Variants in CDC42BPA observed in about 807,000 individuals in gnomAD.
The protein encoded by CDC42BPA is CDC42 binding protein kinase alpha, also known as serine/threonine-protein kinase MRCK alpha.
Under a neutral mutation model 223.5 loss-of-function variants are expected in CDC42BPA, and 80 were observed. That is an observed-to-expected ratio of 0.36 (90% CI 0.30 to 0.43). The LOEUF is 0.43. CDC42BPA is among the 20% of genes least tolerant of loss of function. CDC42BPA has a pLI of 1.00. For synonymous variants in CDC42BPA, 694 were observed against 718.6 expected (o/e 0.97, Z 0.55); for missense variants, 1,743 against 2,099.9 (o/e 0.83, Z 3.32).
chr1:227,268,744 G>C (rs1685490683), intron 1 of CDC42BPA, among the ~76,000 whole-genome samples: 1 of 150,166 alleles, frequency 6.7e-6, no homozygotes, highest in Non-Finnish European at 1.5e-5. Flanking sequence ...GGAGTGTACT[G>C]GCGTGATCCC....
rs536207625 is a variant in CDC42BPA at position 227,144,919 on chromosome 1, G to A, written c.1143+570C>T. Among the ~76,000 whole-genome samples, 23 of 152,238 alleles carry A rather than the reference G, an allele frequency of 1.5e-4. No individual in the cohort carries two copies. The South Asian group carries it at 4.8e-3, about 32-fold the overall frequency. ...CACTGGGCTTGGGTATTTAGTCCTG[G>A]AATCTGCCCTCTGTATCAGCAAAGC... is the stretch of plus-strand genomic sequence containing the variant. On this transcript the variant is annotated intron_variant, in intron 8 of 36. Coordinates refer to ENST00000366766, the MANE Select transcript of CDC42BPA (RefSeq NM_001394014.1).
chr1:227,029,015 C>A lies in CDC42BPA; in HGVS notation c.4074G>T (p.Arg1358Ser), dbSNP rs1454023870. Residue 1358 changes from arginine to serine, a missense_variant, in exon 30 of 37, where the codon AGG becomes AGT. Physicochemically the swap from Arg to Ser is moderately radical, Grantham distance 110. Coordinates refer to ENST00000366766, the MANE Select transcript of CDC42BPA (RefSeq NM_001394014.1). ...ALTCLCVAMK[R>S]QVLCYELFQS... ...GAAATAGTTCATAACAGAGGACCTG[C>A]CTTTTCATAGCCACACACAGGCATG... is the stretch of plus-strand genomic sequence containing the variant. 1 of 1,614,096 alleles carries A rather than the reference C, an allele frequency of 6.2e-7. No individual in the cohort carries two copies. The highest frequency in any genetic ancestry group is 1.1e-5 in the South Asian group (1 of 91,082).
At chr1:227,080,801 TA>T in intron 17 of CDC42BPA, 91 bp downstream of exon 17, 1 of 1,399,120 alleles carries the variant, frequency 7.1e-7, no homozygotes, top group Non-Finnish European at 1.0e-6. Context: ...ACAAATGAGA[TA>T]AAAACCATTA....
At position 227,245,920 on chromosome 1, in the gene CDC42BPA, T is replaced by C. The variant is rs578047445; in HGVS notation, c.270+8144A>G. Among the ~76,000 whole-genome samples, 14 of 152,270 alleles carry C rather than the reference T, an allele frequency of 9.2e-5. No individual in the cohort carries two copies. The South Asian group carries it at 2.9e-3, about 32-fold the overall frequency. ...GGTGGCCACTGTGAAAGACTCCTTC[T>C]GTCTGAGAAAAGCAGAGGGAAAAGT... On this transcript the variant is annotated intron_variant, in intron 2 of 36. Transcript: ENST00000366766.
At chr1:227,004,859 G>A (rs960691726) in intron 35 of CDC42BPA, 135 bp downstream of exon 35, 8 of 780,496 alleles carry the variant, frequency 1.0e-5, no homozygotes, top group African/African-American at 1.0e-4. Context: ...TACCCAGCAG[G>A]GTCTGAGACA....
chr1:227,089,373 T>G (rs970787483), intron 16 of CDC42BPA, among the ~76,000 whole-genome samples: 1 of 152,134 alleles, frequency 6.6e-6, no homozygotes, highest in Non-Finnish European at 1.5e-5. Context: ...TTATCACTAC[T>G]GAGACAGACA....
intron 5 of CDC42BPA, among the ~76,000 whole-genome samples, chr1:227,179,635 C>T (rs1378409976): frequency 2.9e-5 from 1 of 34,238 alleles, no homozygotes; most frequent in African/African-American, 1.1e-4. Context: ...GCCTCCATCT[C>T]AAAAAAAAAA....
At chr1:227,262,670 TC>T (rs1182184373) in intron 1 of CDC42BPA, among the ~76,000 whole-genome samples, 1 of 152,152 alleles carries the variant, frequency 6.6e-6, no homozygotes, top group Non-Finnish European at 1.5e-5. Context: ...GCCTTTTAAG[TC>T]ATAAGATACC....
At chr1:227,209,949 T>C (rs1370127579) in intron 3 of CDC42BPA, among the ~76,000 whole-genome samples, 2 of 150,216 alleles carry the variant, frequency 1.3e-5, no homozygotes, top group Admixed American at 6.7e-5. Flanking sequence ...TTCCTCCTTG[T>C]ACCTCTGGTA....
intron 23 of CDC42BPA, among the ~76,000 whole-genome samples, chr1:227,041,683 T>C (rs1034539242): frequency 3.9e-5 from 6 of 152,144 alleles, no homozygotes; most frequent in African/African-American, 1.4e-4. Context: ...GAGAATGGGG[T>C]GAGAGTCTCA....
At chr1:227,030,085 T>A (rs2150870) in intron 29 of CDC42BPA, among the ~76,000 whole-genome samples, 68,020 of 150,956 alleles carry the variant, frequency 0.45, 15,438 homozygotes, top group African/African-American at 0.46. Context: ...ATGAGCCGAG[T>A]TCGTGCCACT....
chr1:227,163,021 TTTCC>T (rs1664305609), intron 5 of CDC42BPA, among the ~76,000 whole-genome samples: 6 of 30,322 alleles, frequency 2.0e-4, no homozygotes, highest in Admixed American at 1.4e-3. Flanking sequence ...AACGTGTATG[TTTCC>T]AAACATATGT....
At chr1:227,180,761 T>C (rs1174444487) in intron 5 of CDC42BPA, among the ~76,000 whole-genome samples, 2 of 152,220 alleles carry the variant, frequency 1.3e-5, no homozygotes, top group Non-Finnish European at 2.9e-5. Context: ...TAATCGAACA[T>C]AACATTCTAA....
chr1:227,021,721 T>C (rs17600947), intron 32 of CDC42BPA, among the ~76,000 whole-genome samples: 26,956 of 151,868 alleles, frequency 0.18, 2,719 homozygotes, highest in Non-Finnish European at 0.22. Context: ...AGAAAACCAT[T>C]AAGATAATAA....
intron 11 of CDC42BPA, among the ~76,000 whole-genome samples, chr1:227,127,216 G>A (rs910890449): frequency 2.0e-5 from 3 of 152,000 alleles, no homozygotes; most frequent in African/African-American, 7.3e-5. Context: ...TATATACTGG[G>A]TTAGACATCA....
At chr1:227,252,386 T>G (rs1038805061) in intron 2 of CDC42BPA, among the ~76,000 whole-genome samples, 13 of 152,130 alleles carry the variant, frequency 8.5e-5, no homozygotes, top group African/African-American at 3.1e-4. Flanking sequence ...TTAAAGAAAT[T>G]AAACATTATT....
At chr1:227,161,711 T>C (rs1663931796) in intron 5 of CDC42BPA, among the ~76,000 whole-genome samples, 1 of 152,178 alleles carries the variant, frequency 6.6e-6, no homozygotes. Flanking sequence ...GCCCATTCAT[T>C]TAGGTATTGC....
rs1677883405 is a variant in CDC42BPA, at chr1:227,069,725, A to G, written c.2904+52T>C. 6.2e-6 allele frequency: 8 copies of G among 1,291,770 alleles called. No homozygotes were observed. In the South Asian group the frequency reaches 8.7e-5, roughly 14 times the overall value. 80.0% of individuals were successfully genotyped at this position (1,291,770 alleles called of 1,614,324 possible). A position where few individuals can be genotyped will look rare whatever the true frequency, so the allele number is the denominator to read the frequency against. On this transcript the variant is annotated intron_variant, in intron 21 of 36. Transcript: ENST00000366766. Reference sequence around the variant, plus strand: ...TTATTATAAGTGAACTTTAAATTACAAAGTGAATTTTAAATTGACCCCAGA... The same window carrying G: ...TTATTATAAGTGAACTTTAAATTACGAAGTGAATTTTAAATTGACCCCAGA...
intron 10 of CDC42BPA, among the ~76,000 whole-genome samples, chr1:227,130,339 T>C (rs760029077): frequency 1.3e-5 from 2 of 152,170 alleles, no homozygotes; most frequent in African/African-American, 2.4e-5. Context: ...TCAATAAATA[T>C]TTGTTAATTT....
Sources: allele counts gnomAD v4.1 joint callset (sites outside exome capture counted in the v4.1 genomes callset), GRCh38; gene constraint gnomAD v4.1.1; transcripts MANE v1.5; gene names NCBI Gene and HGNC (gene_info 2026-07-23, HGNC 2026-07-21).